EXT1: variants seen among roughly 807,000 people sequenced by gnomAD.
The protein encoded by EXT1 is exostosin-1.
Under a neutral mutation model 82.5 loss-of-function variants are expected in EXT1, and 20 were observed. The ratio of observed to expected loss-of-function variants is 0.24; its 90% CI spans 0.17 to 0.35. EXT1 has a LOEUF of 0.35. Among genes scored for constraint, EXT1 ranks in the 10% least tolerant of loss-of-function variants. EXT1 has a pLI of 1.00. For missense variants in EXT1, 757 were observed against 936.5 expected (o/e 0.81, Z 2.50); for synonymous variants, 348 against 350.8 (o/e 0.99, Z 0.09).
intron 1 of EXT1, among the ~76,000 whole-genome samples, chr8:117,956,176 G>GA (rs1814581704): frequency 1.0e-5 from 1 of 98,720 alleles, no homozygotes; most frequent in African/African-American, 3.4e-5. Flanking sequence ...TTTTTTAACA[G>GA]CAAAAAAAAA....
chr8:117,896,478 G>T (rs188853711), intron 1 of EXT1, among the ~76,000 whole-genome samples: 12 of 152,266 alleles, frequency 7.9e-5, no homozygotes, highest in African/African-American at 2.9e-4. Context: ...AAGCCAGCTG[G>T]TTAGCTGGCC....
At chr8:117,817,105 C>T (rs1192333123) in intron 7 of EXT1, among the ~76,000 whole-genome samples, 6 of 152,162 alleles carry the variant, frequency 3.9e-5, no homozygotes, top group African/African-American at 1.4e-4. Context: ...GCTTACCAAG[C>T]AGCTCTCTAA....
At chr8:117,854,124 C>A (rs777878635) in intron 1 of EXT1, among the ~76,000 whole-genome samples, 18 of 152,316 alleles carry the variant, frequency 1.2e-4, no homozygotes, top group Non-Finnish European at 2.4e-4. Context: ...GGTGACAAGT[C>A]CTTCCCATTG....
chr8:118,021,822 A>C (rs1432306045), intron 1 of EXT1, among the ~76,000 whole-genome samples: 2 of 152,190 alleles, frequency 1.3e-5, no homozygotes, highest in Non-Finnish European at 2.9e-5. Context: ...CCTCTGGGCA[A>C]AGACATTCCA....
intron 3 of EXT1, among the ~76,000 whole-genome samples, chr8:117,833,093 C>T (rs937672279): frequency 2.6e-5 from 4 of 152,170 alleles, no homozygotes; most frequent in Non-Finnish European, 5.9e-5. Flanking sequence ...AAAAACATTT[C>T]CCAGAGCAGA....
At chr8:117,853,558 C>T (rs1252484511) in intron 1 of EXT1, among the ~76,000 whole-genome samples, 2 of 152,090 alleles carry the variant, frequency 1.3e-5, no homozygotes, top group East Asian at 1.9e-4. Context: ...ACTAAGGCAA[C>T]GGACATTGAC....
chr8:117,972,699 G>A (rs935101344), intron 1 of EXT1, among the ~76,000 whole-genome samples: 2 of 152,190 alleles, frequency 1.3e-5, no homozygotes, highest in Non-Finnish European at 1.5e-5. Flanking sequence ...CTCACAGTTC[G>A]GCGTAGCTGG....
At position 117,853,940 on chromosome 8, in the gene EXT1, T is replaced by C. The variant is rs1381818076; in HGVS notation, c.963-16739A>G. ...TTAATTGCAGAAAGAGGCAGCCTTA[T>C]GATGAAGTAGCAGTGAGCTTCTGCT... On this transcript the variant is annotated intron_variant, in intron 1 of 10. Transcript: ENST00000378204. Among the ~76,000 whole-genome samples, 3 of 152,222 alleles carry C rather than the reference T, an allele frequency of 2.0e-5. No individual in the cohort carries two copies. The East Asian group carries it at 5.8e-4, about 29-fold the overall frequency.
chr8:118,010,883 G>T (rs990355145), intron 1 of EXT1, among the ~76,000 whole-genome samples: 1 of 152,210 alleles, frequency 6.6e-6, no homozygotes, highest in Admixed American at 6.5e-5. Flanking sequence ...GGGTGCCAAG[G>T]TTTACAGTAA....
At chr8:117,925,781 C>T (rs945611233) in intron 1 of EXT1, among the ~76,000 whole-genome samples, 1 of 151,594 alleles carries the variant, frequency 6.6e-6, no homozygotes, top group African/African-American at 2.4e-5. Flanking sequence ...ACCTGTAGTC[C>T]CAGCTACTCT....
intron 9 of EXT1, among the ~76,000 whole-genome samples, chr8:117,806,643 T>C (rs951701214): frequency 6.6e-6 from 1 of 152,226 alleles, no homozygotes. Flanking sequence ...ACATGTCCTC[T>C]TGACTTCCTG....
chr8:117,925,004 T>G (rs1193397779), intron 1 of EXT1, among the ~76,000 whole-genome samples: 1 of 152,230 alleles, frequency 6.6e-6, no homozygotes, highest in African/African-American at 2.4e-5. Context: ...ATGACTTTTA[T>G]TATAAATTTA....
intron 1 of EXT1, among the ~76,000 whole-genome samples, chr8:118,002,528 CTTTT>C (rs60354141): frequency 1.7e-4 from 15 of 87,100 alleles, no homozygotes; most frequent in Non-Finnish European, 3.0e-4. Context: ...GAATATTTTT[CTTTT>C]TTTTTTTTTT....
chr8:118,019,822 T>C (rs1290705469), intron 1 of EXT1, among the ~76,000 whole-genome samples: 2 of 152,200 alleles, frequency 1.3e-5, no homozygotes, highest in Admixed American at 6.5e-5. Context: ...TGGTGGCAGA[T>C]TCCAGACTCT....
chr8:117,837,868 A>C (rs1812213094), intron 1 of EXT1, among the ~76,000 whole-genome samples: 1 of 152,090 alleles, frequency 6.6e-6, no homozygotes, highest in African/African-American at 2.4e-5. Flanking sequence ...AAAAAAAAAA[A>C]ACCTGAACTA....
At chr8:117,830,490 C>G in intron 3 of EXT1, 141 bp from the exon 4 acceptor site, 2 of 910,194 alleles carry the variant, frequency 2.2e-6, no homozygotes, top group Non-Finnish European at 3.3e-6. Flanking sequence ...ATCATCAATT[C>G]CTAAGTTGAA....
intron 1 of EXT1, among the ~76,000 whole-genome samples, chr8:118,067,160 C>A (rs1321972515): frequency 6.6e-6 from 1 of 152,222 alleles, no homozygotes; most frequent in African/African-American, 2.4e-5. Flanking sequence ...CACTGGGAGA[C>A]TCTCAAGTCT....
intron 1 of EXT1, among the ~76,000 whole-genome samples, chr8:117,876,816 C>T (rs1041730907): frequency 6.6e-6 from 1 of 152,090 alleles, no homozygotes; most frequent in Non-Finnish European, 1.5e-5. Flanking sequence ...CAGATATTTA[C>T]GGAAGCGCGT....
rs757499157 is a variant in EXT1, at chr8:117,799,805, C to A, written c.2148G>T (p.Pro716=). ...CGAGCCTCATCTGAGAGTGGATCAG[C>A]GGCATGTAGCCAAACCAGCTGGCAA... is the stretch of plus-strand genomic sequence containing the variant. The part of the protein sequence containing the change: ...NTFASWFGYM[P]LIHSQMRLDP... The change falls in exon 11 of 11, where the codon CCG becomes CCT. Residue 716 remains proline, a synonymous_variant. Transcript: ENST00000378204. The A allele has an allele frequency of 6.2e-7, 1 of 1,614,152 alleles. No homozygotes were observed. The highest frequency in any genetic ancestry group is 8.5e-7 in the Non-Finnish European group (1 of 1,180,026).
Sources: allele counts gnomAD v4.1 joint callset (sites outside exome capture counted in the v4.1 genomes callset), GRCh38; gene constraint gnomAD v4.1.1; transcripts MANE v1.5; gene names NCBI Gene and HGNC (gene_info 2026-07-23, HGNC 2026-07-21).